The following TENM3 variants were observed in gnomAD, a reference collection of about 807,000 sequenced individuals.
TENM3 encodes teneurin transmembrane protein 3, also known as teneurin-3.
A neutral mutation model predicts 255.1 loss-of-function variants in TENM3; 63 were observed. The ratio of observed to expected loss-of-function variants is 0.25; its 90% CI spans 0.20 to 0.30. TENM3 has a LOEUF of 0.30. TENM3 is among the 10% of genes least tolerant of loss of function. The pLI is 1.00. For synonymous variants in TENM3, 1,306 were observed against 1,322.3 expected, an observed-to-expected ratio of 0.99 and a Z score of 0.27; for missense variants, 2,929 against 3,461.1, an observed-to-expected ratio of 0.85 and a Z score of 3.86.
At chr4:182,219,743 C>T (rs1371286249) in intron 1 of TENM3, among the ~76,000 whole-genome samples, 1 of 152,126 alleles carries the variant, frequency 6.6e-6, no homozygotes, top group Non-Finnish European at 1.5e-5. Flanking sequence ...AAATATCCAA[C>T]TGATGGTTTA....
At chr4:181,616,354 C>T in the TENM3 span, among the ~76,000 whole-genome samples, 1 of 132,732 alleles carries the variant, frequency 7.5e-6, no homozygotes, top group Non-Finnish European at 1.6e-5. Flanking sequence ...CACACGTATG[C>T]ATATATATCA....
intron 3 of TENM3, among the ~76,000 whole-genome samples, chr4:182,359,360 T>G (rs1313154738): frequency 6.6e-6 from 1 of 151,344 alleles, no homozygotes; most frequent in Non-Finnish European, 1.5e-5. Flanking sequence ...GGACTCTTTT[T>G]GGTTGGTAAG....
At chr4:182,357,774 A>G (rs1191698207) in intron 3 of TENM3, among the ~76,000 whole-genome samples, 3 of 149,646 alleles carry the variant, frequency 2.0e-5, no homozygotes, top group African/African-American at 7.3e-5. Context: ...TTGGTGTTTT[A>G]GACATGAAGT....
At chr4:181,511,785 A>C in the TENM3 span, among the ~76,000 whole-genome samples, 2 of 152,222 alleles carry the variant, frequency 1.3e-5, no homozygotes, top group African/African-American at 4.8e-5. Context: ...ATAGTGGAGG[A>C]CTGTGGACCA....
intron 1 of TENM3, among the ~76,000 whole-genome samples, chr4:182,305,699 T>C (rs1762095527): frequency 6.6e-6 from 1 of 152,222 alleles, no homozygotes; most frequent in Non-Finnish European, 1.5e-5. Context: ...CTTCCTGCCT[T>C]GGCCTTGGAT....
At chr4:182,022,530 T>TAAA in the TENM3 span, among the ~76,000 whole-genome samples, 1 of 120,002 alleles carries the variant, frequency 8.3e-6, no homozygotes, top group African/African-American at 3.1e-5. Context: ...ATCCCCTGAA[T>TAAA]AAAAAAAAAA....
the TENM3 span, among the ~76,000 whole-genome samples, chr4:181,551,956 G>A: frequency 2.0e-5 from 3 of 150,804 alleles, no homozygotes; most frequent in Admixed American, 2.0e-4. Flanking sequence ...TATTCAAGGT[G>A]TTTCCTTGGT....
At chr4:181,869,847 G>A in the TENM3 span, among the ~76,000 whole-genome samples, 5 of 152,018 alleles carry the variant, frequency 3.3e-5, no homozygotes, top group Non-Finnish European at 7.4e-5. Flanking sequence ...AATAAAATTG[G>A]CATTAAAATG....
At chr4:182,230,424 A>G (rs1756483333) in intron 1 of TENM3, among the ~76,000 whole-genome samples, 2 of 152,082 alleles carry the variant, frequency 1.3e-5, no homozygotes, top group African/African-American at 4.8e-5. Context: ...TCCATCCTCC[A>G]CAGCACTTCC....
chr4:181,715,793 C>T, the TENM3 span, among the ~76,000 whole-genome samples: 76 of 152,142 alleles, frequency 5.0e-4, no homozygotes, highest in South Asian at 2.1e-4. Flanking sequence ...CTATTGATGG[C>T]GCTGGCTTGG....
chr4:182,198,893 G>A (rs528597887), intron 1 of TENM3, among the ~76,000 whole-genome samples: 32 of 152,244 alleles, frequency 2.1e-4, no homozygotes, highest in African/African-American at 7.0e-4. Flanking sequence ...AAGAGGATTG[G>A]GAGGCCTTCC....
the TENM3 span, among the ~76,000 whole-genome samples, chr4:181,740,293 ATATCT>A: frequency 6.6e-6 from 1 of 152,186 alleles, no homozygotes; most frequent in African/African-American, 2.4e-5. Context: ...GATATTTTTG[ATATCT>A]TAACAATTAT....
chr4:181,854,142 T>G, the TENM3 span, among the ~76,000 whole-genome samples: 1 of 152,192 alleles, frequency 6.6e-6, no homozygotes, highest in Non-Finnish European at 1.5e-5. Flanking sequence ...ACTGATGGCA[T>G]AATGATTATG....
At chr4:182,637,181 T>G (rs895387534) in intron 5 of TENM3, among the ~76,000 whole-genome samples, 4 of 152,192 alleles carry the variant, frequency 2.6e-5, no homozygotes, top group Non-Finnish European at 5.9e-5. Flanking sequence ...CATAAAACCT[T>G]TAAGTTTCAT....
chr4:181,989,556 C>T, the TENM3 span, among the ~76,000 whole-genome samples: 931 of 152,234 alleles, frequency 6.1e-3, 12 homozygotes, highest in African/African-American at 0.022. Context: ...ACAACATCTC[C>T]GTTTAATCAG....
At chr4:181,748,034 G>A in the TENM3 span, among the ~76,000 whole-genome samples, 1 of 151,900 alleles carries the variant, frequency 6.6e-6, no homozygotes, top group African/African-American at 2.4e-5. Flanking sequence ...ACTCTAATCT[G>A]TTTTAGTAGA....
intron 1 of TENM3, among the ~76,000 whole-genome samples, chr4:182,314,328 C>T (rs1762627823): frequency 6.6e-6 from 1 of 151,720 alleles, no homozygotes; most frequent in Admixed American, 6.6e-5. Context: ...GCAGGGGCTA[C>T]GTGTTGTGTA....
chr4:181,634,220 G>A, the TENM3 span, among the ~76,000 whole-genome samples: 1 of 152,054 alleles, frequency 6.6e-6, no homozygotes, highest in Non-Finnish European at 1.5e-5. Flanking sequence ...TTGGCCTTAT[G>A]GGGCTGTAAA....
chr4:182,267,712 A>G (rs1011077630), intron 1 of TENM3, among the ~76,000 whole-genome samples: 3 of 141,348 alleles, frequency 2.1e-5, no homozygotes, highest in African/African-American at 8.5e-5. Context: ...ATCAAAGCCA[A>G]TTTAAAAAAA....
Sources: allele counts gnomAD v4.1 joint callset (sites outside exome capture counted in the v4.1 genomes callset), GRCh38; gene constraint gnomAD v4.1.1; transcripts MANE v1.5; gene names NCBI Gene and HGNC (gene_info 2026-07-23, HGNC 2026-07-21).